Variants in HHLA2 observed in about 807,000 individuals in gnomAD.
The protein encoded by HHLA2 is HERV-H LTR-associating protein 2.
In HHLA2, 48 loss-of-function variants were observed where a neutral mutation model predicts 45.9. The observed-to-expected ratio is 1.05, with a 90% confidence interval of 0.83 to 1.33. The LOEUF (loss-of-function observed/expected upper bound fraction) is 1.33. HHLA2 is among the 40% of genes most tolerant of loss of function. The pLI is 0.00. For synonymous variants in HHLA2, 161 were observed against 173.9 expected (o/e 0.93, Z 0.59); for missense variants, 462 against 494.3 (o/e 0.93, Z 0.62).
intron 8 of HHLA2, among the ~76,000 whole-genome samples, chr3:108,368,807 A>G (rs1459706795): frequency 2.0e-5 from 3 of 152,084 alleles, no homozygotes; most frequent in African/African-American, 7.2e-5. Context: ...CCCACTGTCA[A>G]TATTAGATCA....
chr3:108,369,328 G>C (rs1165404838), intron 8 of HHLA2, among the ~76,000 whole-genome samples: 3 of 152,122 alleles, frequency 2.0e-5, no homozygotes, highest in Non-Finnish European at 2.9e-5. Flanking sequence ...AGATTCACGG[G>C]GGGAGGAGCC....
intron 1 of HHLA2, among the ~76,000 whole-genome samples, chr3:108,298,626 G>A (rs2080801566): frequency 6.6e-6 from 1 of 152,146 alleles, no homozygotes; most frequent in African/African-American, 2.4e-5. Context: ...GTACTGTATT[G>A]CATCTTTTTC....
chr3:108,354,560 G>A lies in HHLA2; in HGVS notation c.419-555G>A, dbSNP rs377372649. On this transcript the variant is annotated intron_variant, in intron 5 of 10. Coordinates refer to ENST00000619531, the Ensembl canonical transcript of HHLA2. ...CTGCTGATCATTTATATGCAATATA[G>A]TTAGTATGCATTATAATATATAGAA... is the stretch of plus-strand genomic sequence containing the variant. Among the ~76,000 whole-genome samples the A allele has an allele frequency of 3.7e-4, 57 of 152,036 alleles. No homozygotes were observed. In the South Asian group the frequency reaches 0.012, roughly 32 times the overall value.
intron 3 of HHLA2, among the ~76,000 whole-genome samples, chr3:108,335,900 A>G (rs1202538018): frequency 6.6e-6 from 1 of 151,860 alleles, no homozygotes; most frequent in East Asian, 1.9e-4. Context: ...CCATTTGTCA[A>G]CCTTAGAGAC....
At chr3:108,377,349 TCAC>T (rs2082293017) in exon 11 of HHLA2, 2 of 1,154,822 alleles carry the variant, frequency 1.7e-6, no homozygotes, top group South Asian at 2.6e-5. Flanking sequence ...TCCCCTTTCT[TCAC>T]CACAATTCCA....
rs1052885313 is a variant in HHLA2, at chr3:108,375,674, T to C, written c.1109-76T>C. 58 of 1,544,434 alleles carry C rather than the reference T, an allele frequency of 3.8e-5. No individual in the cohort carries two copies. The East Asian group carries it at 1.3e-3, about 35-fold the overall frequency. Reference sequence around the variant, plus strand: ...GACTTTCAATTGAAGGACAGAGCCATACCAAGGTGACCTTACAGGGAAACA... The same window carrying C: ...GACTTTCAATTGAAGGACAGAGCCACACCAAGGTGACCTTACAGGGAAACA... On this transcript the variant is annotated intron_variant, in intron 8 of 10. Coordinates refer to ENST00000619531, the Ensembl canonical transcript of HHLA2.
rs141367809 is a variant in HHLA2, at chr3:108,297,014, T to C, written c.-192+415T>C. Among the ~76,000 whole-genome samples, 257 of 152,358 alleles carry C rather than the reference T, an allele frequency of 1.7e-3. 1 individual carries two copies. Among genetic ancestry groups the C allele is most frequent in the Middle Eastern group, 3.4e-3 (1 of 294 alleles). On this transcript the variant is annotated intron_variant, in intron 1 of 10. Coordinates refer to ENST00000619531, the Ensembl canonical transcript of HHLA2. ...TGCTCCAAGATGCACTGCGTTCCAT[T>C]CTGTGGTGGAAACAAAAGGACCGTA...
chr3:108,319,947 A>G (rs962398012), intron 2 of HHLA2, among the ~76,000 whole-genome samples: 32 of 152,224 alleles, frequency 2.1e-4, no homozygotes, highest in African/African-American at 7.0e-4. Context: ...TAGCCTATGC[A>G]TATTTGAAAT....
chr3:108,370,325 G>A (rs1033602898), intron 8 of HHLA2, among the ~76,000 whole-genome samples: 13 of 152,186 alleles, frequency 8.5e-5, no homozygotes, highest in Non-Finnish European at 1.9e-4. Flanking sequence ...AAACCCATCT[G>A]TACGTCACCA....
At chr3:108,308,387 C>T (rs1333155365) in intron 1 of HHLA2, among the ~76,000 whole-genome samples, 1 of 152,116 alleles carries the variant, frequency 6.6e-6, no homozygotes, top group Admixed American at 6.6e-5. Flanking sequence ...TATATATGTA[C>T]CACATTTTCT....
At chr3:108,350,480 G>A (rs1394382773) in intron 3 of HHLA2, among the ~76,000 whole-genome samples, 1 of 152,130 alleles carries the variant, frequency 6.6e-6, no homozygotes, top group African/African-American at 2.4e-5. Flanking sequence ...AAGATGTGAT[G>A]AAGGAATCTA....
intron 2 of HHLA2, among the ~76,000 whole-genome samples, chr3:108,327,121 G>A (rs1264320369): frequency 6.6e-6 from 1 of 152,172 alleles, no homozygotes; most frequent in African/African-American, 2.4e-5. Flanking sequence ...TGGGTTGGAA[G>A]TCCTTTTCTT....
At chr3:108,306,814 T>A (rs1024042936) in intron 1 of HHLA2, among the ~76,000 whole-genome samples, 2 of 151,780 alleles carry the variant, frequency 1.3e-5, no homozygotes, top group Non-Finnish European at 1.5e-5. Flanking sequence ...ATATATATAT[T>A]TTTCTATTTT....
chr3:108,351,950 G>T (rs1191687275), intron 4 of HHLA2, 73 bp downstream of exon 3: 2 of 1,013,412 alleles, frequency 2.0e-6, no homozygotes, highest in Admixed American at 3.9e-5. Flanking sequence ...AATGCAAGGT[G>T]GCTATTTCCT....
chr3:108,302,191 A>G (rs941675254), intron 1 of HHLA2, among the ~76,000 whole-genome samples: 33 of 152,174 alleles, frequency 2.2e-4, no homozygotes, highest in Admixed American at 6.6e-5. Context: ...AATGGTATAT[A>G]AATGAGTTTG....
At chr3:108,346,981 C>G (rs1382253493) in intron 3 of HHLA2, among the ~76,000 whole-genome samples, 1 of 152,126 alleles carries the variant, frequency 6.6e-6, no homozygotes, top group Non-Finnish European at 1.5e-5. Flanking sequence ...GCAGAGGCTG[C>G]CTCTCTCTGC....
At chr3:108,312,440 C>T (rs1034922257) in intron 2 of HHLA2, among the ~76,000 whole-genome samples, 2 of 152,226 alleles carry the variant, frequency 1.3e-5, no homozygotes, top group East Asian at 1.9e-4. Flanking sequence ...GCCCAGATCC[C>T]CTTTTCTAGG....
At chr3:108,368,033 A>G (rs988622847) in intron 8 of HHLA2, among the ~76,000 whole-genome samples, 5 of 152,194 alleles carry the variant, frequency 3.3e-5, no homozygotes, top group Non-Finnish European at 1.5e-5. Flanking sequence ...TACAAGCCAG[A>G]AGAGAGTGGG....
intron 3 of HHLA2, among the ~76,000 whole-genome samples, chr3:108,336,833 AAGG>A (rs2081479980): frequency 1.3e-5 from 2 of 151,872 alleles, no homozygotes; most frequent in Admixed American, 1.3e-4. Flanking sequence ...GGCCAAAGGT[AAGG>A]AGATTACATT....
Sources: gnomAD v4.1 joint callset for allele counts (sites outside exome capture counted in the v4.1 genomes callset) on GRCh38, gnomAD v4.1.1 for gene constraint, MANE v1.5 for transcripts, NCBI Gene and HGNC (gene_info 2026-07-23, HGNC 2026-07-21) for gene names.